PHACTR4: variants seen among roughly 807,000 people sequenced by gnomAD.
PHACTR4 encodes the protein phosphatase and actin regulator 4.
PHACTR4 carries 51 observed loss-of-function variants against 72.7 expected under a neutral mutation model. The ratio of observed to expected loss-of-function variants is 0.70; its 90% CI spans 0.56 to 0.89. The LOEUF (loss-of-function observed/expected upper bound fraction) is 0.89. Among genes scored for constraint, PHACTR4 ranks in the 40% least tolerant of loss-of-function variants. The pLI is 0.00. For missense variants in PHACTR4, 731 were observed against 861.8 expected (o/e 0.85, Z 1.90); for synonymous variants, 255 against 302.5 (o/e 0.84, Z 1.63).
chr1:28,488,833 A>C (rs981600234), intron 9 of PHACTR4, among the ~76,000 whole-genome samples: 2 of 152,204 alleles, frequency 1.3e-5, no homozygotes, highest in African/African-American at 4.8e-5. Flanking sequence ...AAATTTGTTT[A>C]GGAGCCACCA....
At chr1:28,483,082 A>T (rs1570095854) in intron 9 of PHACTR4, among the ~76,000 whole-genome samples, 2 of 151,932 alleles carry the variant, frequency 1.3e-5, no homozygotes, top group East Asian at 3.9e-4. Context: ...ATCAGCCTGT[A>T]TGACCTCTGT....
chr1:28,498,885 T>G lies in PHACTR4; in HGVS notation c.*2336T>G, dbSNP rs1661507322. 1 of 151,698 alleles carries G rather than the reference T, an allele frequency of 6.6e-6. No homozygotes were observed. The highest frequency in any genetic ancestry group is 2.4e-5 in the African/African-American group (1 of 41,226). The allele number at this position is 151,698 out of a possible 1,614,324, so 9.4% of individuals were successfully genotyped here. A position where few individuals can be genotyped will look rare whatever the true frequency, so the allele number is the denominator to read the frequency against. The stretch of plus-strand genomic sequence containing the variant: ...GAGTTTGAGACCAGCCTGACCAACA[T>G]GATGAAACCCTGTCTCTACTAAAAA... On this transcript the variant is annotated 3_prime_UTR_variant, in exon 14 of 14. Coordinates refer to ENST00000373839, the MANE Select transcript of PHACTR4 (RefSeq NM_001048183.3).
Position 28,466,637 on chromosome 1 carries a change from C to G in PHACTR4, c.692C>G (p.Pro231Arg). The change falls in exon 6 of 14, where the codon CCC (proline) becomes CGC (arginine). Residue 231 changes from proline (P) to arginine (R), a missense_variant. Pro to Arg is a moderately radical substitution (Grantham distance 103, BLOSUM62 -2). This residue lies in a region of PHACTR4 where 621 missense variants were observed against 676.6 expected (regional missense o/e 0.92). Transcript: ENST00000373839. ...CTCTCTGTCACCCCTTCCCCAGCAC[C>G]CAGGACTCTGCCTGCTGCTCCTGCC... ...VNLSVTPSPA[P>R]RTLPAAPAST... 1 of 1,613,978 alleles carries G rather than the reference C, an allele frequency of 6.2e-7. No homozygotes were observed. The highest frequency in any genetic ancestry group is 1.3e-5 in the African/African-American group (1 of 75,008).
intron 1 of PHACTR4, among the ~76,000 whole-genome samples, chr1:28,403,831 G>A (rs1485812004): frequency 1.3e-5 from 2 of 152,000 alleles, no homozygotes; most frequent in South Asian, 2.1e-4. Context: ...GGAATAATAC[G>A]CTGCATGGTC....
chr1:28,427,392 G>T (rs1478630815), intron 2 of PHACTR4, among the ~76,000 whole-genome samples: 3 of 152,078 alleles, frequency 2.0e-5, no homozygotes, highest in South Asian at 2.1e-4. Context: ...CAGGCATGGT[G>T]GTGCGCACCT....
intron 6 of PHACTR4, 128 bp from the exon 7 acceptor site, chr1:28,473,426 C>A (rs1016463882): frequency 2.0e-5 from 15 of 741,110 alleles, no homozygotes; most frequent in Admixed American, 7.4e-5. Context: ...TAGGGAATGG[C>A]AAAACTATGA....
At position 28,431,242 on chromosome 1, in the gene PHACTR4, T is replaced by C. The variant is rs192207033; in HGVS notation, c.16+23779T>C. ...ACATGGGGCTGGGTGCAGTGGCTCA[T>C]GCCTGTAATTCCAGCACTTTGGGAG... is the stretch of plus-strand genomic sequence containing the variant. On this transcript the variant is annotated intron_variant, in intron 2 of 13. Transcript: ENST00000373839. Among the ~76,000 whole-genome samples, 379 of 134,828 alleles carry C rather than the reference T, an allele frequency of 2.8e-3. 1 individual carries two copies. Among genetic ancestry groups the C allele is most frequent in the African/African-American group, 0.01 (367 of 36,352 alleles). 88.5% of individuals were successfully genotyped at this position (134,828 alleles called of 152,430 possible).
intron 10 of PHACTR4, chr1:28,489,958 A>C: frequency 2.0e-6 from 1 of 507,558 alleles, no homozygotes; most frequent in East Asian, 5.5e-5. Flanking sequence ...GTATCACACA[A>C]AACTCAGTGT....
chr1:28,491,361 G>A (rs1342955169), intron 11 of PHACTR4, among the ~76,000 whole-genome samples: 2 of 152,006 alleles, frequency 1.3e-5, no homozygotes, highest in Non-Finnish European at 2.9e-5. Flanking sequence ...GGGAGGCTGA[G>A]GTAGGAGGAT....
intron 1 of PHACTR4, among the ~76,000 whole-genome samples, chr1:28,378,024 C>T (rs908085849): frequency 1.5e-4 from 22 of 149,822 alleles, no homozygotes; most frequent in African/African-American, 5.2e-4. Context: ...GGTGAAACCC[C>T]GTCTCTACTA....
intron 1 of PHACTR4, among the ~76,000 whole-genome samples, chr1:28,405,086 A>G (rs928205736): frequency 6.6e-6 from 1 of 152,136 alleles, no homozygotes; most frequent in African/African-American, 2.4e-5. Flanking sequence ...AGGGCTAAAA[A>G]TGAGATGTTG....
At chr1:28,441,986 T>C (rs979538763) in intron 2 of PHACTR4, among the ~76,000 whole-genome samples, 9 of 151,914 alleles carry the variant, frequency 5.9e-5, no homozygotes, top group Non-Finnish European at 1.0e-4. Flanking sequence ...AGGGAGACAC[T>C]GTCTCAAGAA....
chr1:28,467,186 C>T (rs1296543270), intron 6 of PHACTR4: 1 of 155,258 alleles, frequency 6.4e-6, no homozygotes, highest in African/African-American at 2.4e-5. Flanking sequence ...GCACCCCAGC[C>T]TAGGCGACAG....
At chr1:28,460,672 C>T (rs1658733998) in intron 4 of PHACTR4, among the ~76,000 whole-genome samples, 1 of 152,172 alleles carries the variant, frequency 6.6e-6, no homozygotes, top group East Asian at 1.9e-4. Context: ...CCACCCCCAG[C>T]TAACTTTTGA....
intron 2 of PHACTR4, among the ~76,000 whole-genome samples, chr1:28,429,239 A>T (rs2124370241): frequency 6.6e-6 from 1 of 152,308 alleles, no homozygotes; most frequent in Middle Eastern, 3.4e-3. Flanking sequence ...AACACTTCCT[A>T]CTAAGGATCT....
chr1:28,453,754 A>C (rs1469981409), intron 2 of PHACTR4: 7 of 1,079,528 alleles, frequency 6.5e-6, no homozygotes, highest in Non-Finnish European at 2.8e-6. Context: ...CAGATGAAGA[A>C]ATTAAAAAAA....
Position 28,386,804 on chromosome 1 carries a change from T to C in PHACTR4, c.-39+16979T>C, listed in dbSNP as rs564718330. 2.6e-5 allele frequency among the ~76,000 whole-genome samples: 4 copies of C among 152,326 alleles called. No individual in the cohort carries two copies. The East Asian group carries it at 7.7e-4, about 29-fold the overall frequency. On this transcript the variant is annotated intron_variant, in intron 1 of 13. Coordinates refer to ENST00000373839, the MANE Select transcript of PHACTR4 (RefSeq NM_001048183.3). ...GTCATTAGATATTTAAAATCTGCACTTTATATAGGACCAACGATATTTAAA... is the reference window on the plus strand; with the variant it reads ...GTCATTAGATATTTAAAATCTGCACCTTATATAGGACCAACGATATTTAAA...
intron 2 of PHACTR4, among the ~76,000 whole-genome samples, chr1:28,419,231 G>A (rs1191688863): frequency 6.6e-6 from 1 of 151,316 alleles, no homozygotes; most frequent in Non-Finnish European, 1.5e-5. Context: ...TAATCCACCC[G>A]CCTCGGCCTC....
intron 2 of PHACTR4, among the ~76,000 whole-genome samples, chr1:28,422,187 C>G (rs1267827106): frequency 6.6e-6 from 1 of 152,180 alleles, no homozygotes; most frequent in East Asian, 1.9e-4. Flanking sequence ...ATTATTAAAA[C>G]TTAATTGTAT....
Sources: gnomAD v4.1 joint callset for allele counts (sites outside exome capture counted in the v4.1 genomes callset) on GRCh38, gnomAD v4.1.1 for gene constraint, gnomAD v4.1.1 regional missense constraint, MANE v1.5 for transcripts, NCBI Gene and HGNC (gene_info 2026-07-23, HGNC 2026-07-21) for gene names.